Variants in ROBO2 observed in about 807,000 individuals in gnomAD.
The protein encoded by ROBO2 is roundabout homolog 2.
In ROBO2, 53 loss-of-function variants were observed where a neutral mutation model predicts 160.8. The ratio of observed to expected loss-of-function variants is 0.33; its 90% CI spans 0.26 to 0.41. ROBO2 has a LOEUF of 0.41. ROBO2 is among the 10% of genes least tolerant of loss of function. The probability of loss-of-function intolerance (pLI) is 1.00; values close to 1 mark genes in which losing one functional copy is unlikely to be tolerated. For synonymous variants in ROBO2, 664 were observed against 611.7 expected, an observed-to-expected ratio of 1.09 and a Z score of -1.26; for missense variants, 1,577 against 1,722.4, an observed-to-expected ratio of 0.92 and a Z score of 1.49.
At chr3:77,453,399 A>G (rs1461440858) in intron 2 of ROBO2, among the ~76,000 whole-genome samples, 1 of 151,634 alleles carries the variant, frequency 6.6e-6, no homozygotes, top group Admixed American at 6.6e-5. Context: ...CTTCAATCTC[A>G]ATGGCTAGTC....
intron 2 of ROBO2, among the ~76,000 whole-genome samples, chr3:76,508,365 A>C (rs1277558420): frequency 1.3e-5 from 2 of 152,132 alleles, no homozygotes; most frequent in Non-Finnish European, 2.9e-5. Flanking sequence ...CCTATTTGTA[A>C]AATAAAGACA....
At chr3:75,925,437 G>A (rs924130077) in intron 1 of ROBO2, among the ~76,000 whole-genome samples, 16 of 152,088 alleles carry the variant, frequency 1.1e-4, no homozygotes, top group Admixed American at 5.2e-4. Flanking sequence ...GTCTTTTGAA[G>A]GCTACTAAAG....
intron 2 of ROBO2, among the ~76,000 whole-genome samples, chr3:76,833,292 T>A (rs1311013327): frequency 3.3e-5 from 5 of 151,882 alleles, no homozygotes; most frequent in African/African-American, 1.2e-4. Flanking sequence ...TTTTACTTAG[T>A]TTGAAACATG....
intron 2 of ROBO2, among the ~76,000 whole-genome samples, chr3:76,992,161 G>T (rs1033456097): frequency 2.0e-5 from 3 of 151,374 alleles, no homozygotes; most frequent in Non-Finnish European, 4.4e-5. Flanking sequence ...AGTTACCAAA[G>T]AACTATTTAT....
intron 2 of ROBO2, among the ~76,000 whole-genome samples, chr3:76,665,961 C>A (rs1338034460): frequency 1.5e-5 from 2 of 134,324 alleles, no homozygotes; most frequent in African/African-American, 2.8e-5. Flanking sequence ...ATAATATATA[C>A]ATATAATATA....
intron 2 of ROBO2, among the ~76,000 whole-genome samples, chr3:76,953,994 C>T (rs917202298): frequency 1.3e-5 from 2 of 152,146 alleles, no homozygotes; most frequent in African/African-American, 4.8e-5. Context: ...CTTTCATTCT[C>T]AAATATCTAT....
intron 6 of ROBO2, among the ~76,000 whole-genome samples, chr3:77,533,691 G>A (rs1011560010): frequency 3.3e-5 from 5 of 152,114 alleles, no homozygotes; most frequent in African/African-American, 1.2e-4. Context: ...GCTCTCCGAG[G>A]CCTCTTTCTG....
At chr3:77,388,387 C>T (rs1331064430) in intron 2 of ROBO2, among the ~76,000 whole-genome samples, 3 of 152,094 alleles carry the variant, frequency 2.0e-5, no homozygotes, top group African/African-American at 7.2e-5. Flanking sequence ...TGCATTCTAG[C>T]CTAGGCAACA....
chr3:77,305,309 A>G (rs2063007026), intron 2 of ROBO2, among the ~76,000 whole-genome samples: 1 of 152,236 alleles, frequency 6.6e-6, no homozygotes, highest in Non-Finnish European at 1.5e-5. Flanking sequence ...AGGGATTTCA[A>G]CTGCCCTTTT....
chr3:77,513,015 T>C (rs141400370), intron 5 of ROBO2, among the ~76,000 whole-genome samples: 2 of 151,946 alleles, frequency 1.3e-5, no homozygotes, highest in East Asian at 1.9e-4. Flanking sequence ...AAACTAAACA[T>C]GTTGAGAAAA....
At chr3:77,497,690 C>G (rs750294107) in intron 5 of ROBO2, among the ~76,000 whole-genome samples, 16 of 152,048 alleles carry the variant, frequency 1.1e-4, no homozygotes, top group Admixed American at 2.6e-4. Context: ...AGAGTGCCTT[C>G]AATACATCTT....
At chr3:76,368,358 C>T (rs2075937824) in intron 2 of ROBO2, among the ~76,000 whole-genome samples, 1 of 151,920 alleles carries the variant, frequency 6.6e-6, no homozygotes, top group Non-Finnish European at 1.5e-5. Context: ...TATCATAGTT[C>T]ATGATTTTGT....
At chr3:76,424,108 T>C (rs962324255) in intron 2 of ROBO2, among the ~76,000 whole-genome samples, 1 of 152,228 alleles carries the variant, frequency 6.6e-6, no homozygotes, top group African/African-American at 2.4e-5. Flanking sequence ...TACTTATGAA[T>C]ATAAGTGATA....
chr3:76,192,274 T>C (rs1257795210), intron 2 of ROBO2, among the ~76,000 whole-genome samples: 1 of 151,904 alleles, frequency 6.6e-6, no homozygotes, highest in Non-Finnish European at 1.5e-5. Context: ...CTTAGTAACC[T>C]GACCTTCGAT....
At chr3:76,721,734 T>C (rs1320399366) in intron 2 of ROBO2, among the ~76,000 whole-genome samples, 1 of 152,250 alleles carries the variant, frequency 6.6e-6, no homozygotes, top group African/African-American at 2.4e-5. Context: ...ACTATTCTTT[T>C]TATTGTCATG....
In ROBO2 at chr3:77,542,774, A is replaced by G. The variant is rs568318071; in HGVS notation, c.935-3564A>G. 2.7e-3 allele frequency among the ~76,000 whole-genome samples: 413 copies of G among 152,260 alleles called. 3 individuals are homozygous for G. The highest frequency in any genetic ancestry group is 9.4e-3 in the African/African-American group (392 of 41,558). ...ATTCTCAACTGGATTCTCTGCCCCA[A>G]CTTGTGAAGATTTGCCAGCTCTTTG... On this transcript the variant is annotated intron_variant, in intron 6 of 25. Transcript: ENST00000461745.
chr3:75,969,141 AATATTT>A (rs2064907177), intron 2 of ROBO2, among the ~76,000 whole-genome samples: 1 of 148,510 alleles, frequency 6.7e-6, no homozygotes, highest in African/African-American at 2.4e-5. Context: ...CTATATATAT[AATATTT>A]ATATTATTAT....
rs1413518267 is a variant in ROBO2 at position 77,277,168 on chromosome 3, C to CTTTCTTTCTTTCTT, written c.388+178830_388+178843dup. 6.4e-5 allele frequency among the ~76,000 whole-genome samples: 6 copies of CTTTCTTTCTTTCTT among 93,490 alleles called. 1 individual carries two copies. The South Asian group carries it at 2.3e-3, about 36-fold the overall frequency. 61.3% of individuals were successfully genotyped at this position (93,490 alleles called of 152,430 possible). On this transcript the variant is annotated intron_variant, in intron 2 of 25. Coordinates refer to ENST00000461745, the Ensembl canonical transcript of ROBO2. ...TCTTTCCTTCTTTCCTTCTTTCTTTCTTTCTTTCTTTCTTTCTTTCTTTCT... is the reference window on the plus strand; with the variant it reads ...TCTTTCCTTCTTTCCTTCTTTCTTTCTTTCTTTCTTTCTTTTTCTTTCTTTCTTTCTTTCTTTCT...
intron 2 of ROBO2, among the ~76,000 whole-genome samples, chr3:76,300,954 G>A (rs1169572049): frequency 6.6e-6 from 1 of 152,090 alleles, no homozygotes; most frequent in African/African-American, 2.4e-5. Context: ...TCTAAGCAAT[G>A]GGAAGGAGAT....
Sources: gnomAD v4.1 joint callset for allele counts (sites outside exome capture counted in the v4.1 genomes callset) on GRCh38, gnomAD v4.1.1 for gene constraint, MANE v1.5 for transcripts, NCBI Gene and HGNC (gene_info 2026-07-23, HGNC 2026-07-21) for gene names.